Variants in DPH5 observed in about 807,000 individuals in gnomAD.
DPH5 encodes diphthamide biosynthesis 5, also known as diphthine methyl ester synthase.
Under a neutral mutation model 31.6 loss-of-function variants are expected in DPH5, and 31 were observed. The ratio of observed to expected loss-of-function variants is 0.98; its 90% CI spans 0.74 to 1.32. DPH5 has a LOEUF of 1.32. Ranked by LOEUF, DPH5 falls within the 40% of genes most tolerant of loss-of-function variation. The pLI is 0.00. For synonymous variants in DPH5, 120 were observed against 115.0 expected (o/e 1.04, Z -0.28); for missense variants, 309 against 335.7 (o/e 0.92, Z 0.62).
At chr1:100,997,123 C>CT (rs1189113630) in intron 5 of DPH5, among the ~76,000 whole-genome samples, 2 of 152,204 alleles carry the variant, frequency 1.3e-5, no homozygotes, top group Admixed American at 1.3e-4. Flanking sequence ...CTAGTTTGTC[C>CT]TTCCTGCCTC....
At chr1:101,006,565 T>C (rs1302078362) in intron 4 of DPH5, among the ~76,000 whole-genome samples, 1 of 152,102 alleles carries the variant, frequency 6.6e-6, no homozygotes, top group East Asian at 1.9e-4. Context: ...GATGATAAAA[T>C]CTAGCTTAAT....
Position 100,990,214 on chromosome 1 carries a change from C to G in DPH5, c.*194G>C. The G allele has an allele frequency of 1.7e-6, 1 of 581,696 alleles. No homozygotes were observed. Among genetic ancestry groups the G allele is most frequent in the South Asian group, 2.1e-5 (1 of 47,430 alleles). The allele number at this position is 581,696 out of a possible 1,614,324, so 36.0% of individuals were successfully genotyped here. Reference sequence around the variant, plus strand: ...GGGGAAATGCCAGGCACTTATAAAACCATCAGATCTCATGAAAGCTCACTA... The same window carrying G: ...GGGGAAATGCCAGGCACTTATAAAAGCATCAGATCTCATGAAAGCTCACTA... On this transcript the variant is annotated 3_prime_UTR_variant, in exon 8 of 8. Coordinates refer to ENST00000370109, the MANE Select transcript of DPH5 (RefSeq NM_015958.3).
intron 3 of DPH5, among the ~76,000 whole-genome samples, chr1:101,019,224 C>A (rs1570705086): frequency 6.6e-6 from 1 of 152,286 alleles, no homozygotes; most frequent in Admixed American, 6.5e-5. Flanking sequence ...TATTTTTAGA[C>A]TCATTTACTT....
chr1:101,025,266 G>C (rs757408859), intron 2 of DPH5, 43 bp downstream of exon 2: 18 of 1,607,440 alleles, frequency 1.1e-5, no homozygotes, highest in Non-Finnish European at 1.4e-5. Context: ...TCAGATGTTA[G>C]ATAGCTTTCT....
chr1:101,005,341 T>C (rs1371338204), intron 4 of DPH5, among the ~76,000 whole-genome samples: 2 of 152,230 alleles, frequency 1.3e-5, no homozygotes, highest in Non-Finnish European at 2.9e-5. Flanking sequence ...CCAGCAAAAC[T>C]GTCAAAAACT....
chr1:101,021,855 CACACTCTT>C (rs1660480558), intron 2 of DPH5, 90 bp from the exon 3 acceptor site: 1 of 1,245,800 alleles, frequency 8.0e-7, no homozygotes, highest in Admixed American at 2.3e-5. Context: ...CACACACACA[CACACTCTT>C]TGTTTGGGAC....
intron 3 of DPH5, among the ~76,000 whole-genome samples, chr1:101,015,779 G>A (rs1660032383): frequency 6.6e-6 from 1 of 152,168 alleles, no homozygotes; most frequent in Non-Finnish European, 1.5e-5. Context: ...TGTTTCCACA[G>A]CTCATACATT....
In DPH5 at chr1:100,990,565, G is replaced by A. The variant is rs570910160; in HGVS notation, c.701C>T (p.Ala234Val). The change falls in exon 8 of 8, where the codon GCA becomes GTA. Residue 234 changes from alanine (A) to valine (V), a missense_variant. By Grantham distance (64) the Ala-to-Val change is moderately conservative. Transcript: ENST00000370109. The part of the protein sequence containing the change: ...RVGADDQKIA[A>V]GTLRQMCTVD... ...AGTGCACATTTGCCTTAAAGTGCCT[G>A]CTGCAATTTTCTGGTCGTCGGCTCC... 9.3e-5 allele frequency: 150 copies of A among 1,614,104 alleles called. No homozygotes were observed. The highest frequency in any genetic ancestry group is 4.9e-4 in the Middle Eastern group (3 of 6,062).
intron 4 of DPH5, chr1:101,011,589 A>C (rs558866159): frequency 6.6e-6 from 1 of 152,234 alleles, no homozygotes; most frequent in Non-Finnish European, 1.5e-5. Flanking sequence ...ATTACACTTT[A>C]CCTGTCTATC....
At chr1:101,019,446 CAT>C (rs1660302119) in intron 3 of DPH5, among the ~76,000 whole-genome samples, 1 of 151,906 alleles carries the variant, frequency 6.6e-6, no homozygotes, top group Admixed American at 6.6e-5. Flanking sequence ...CACATTTTGT[CAT>C]GTGTCATTTT....
chr1:100,992,563 G>T, intron 7 of DPH5, 74 bp downstream of exon 7: 1 of 1,038,442 alleles, frequency 9.6e-7, no homozygotes, highest in Non-Finnish European at 1.5e-6. Context: ...AGTGGTATGA[G>T]ATATTAAGTC....
chr1:101,023,414 G>A (rs981744252), intron 2 of DPH5: 2 of 152,170 alleles, frequency 1.3e-5, no homozygotes, highest in Non-Finnish European at 2.9e-5. Flanking sequence ...TTCTGTAACT[G>A]TTCTATAAAT....
intron 4 of DPH5, among the ~76,000 whole-genome samples, chr1:101,007,197 C>T (rs1659293145): frequency 6.6e-6 from 1 of 151,812 alleles, no homozygotes; most frequent in Non-Finnish European, 1.5e-5. Flanking sequence ...TGAAATGTGC[C>T]AAAATTGGTA....
At chr1:100,997,558 G>A (rs1006893305) in intron 5 of DPH5, among the ~76,000 whole-genome samples, 1 of 152,042 alleles carries the variant, frequency 6.6e-6, no homozygotes, top group Non-Finnish European at 1.5e-5. Context: ...GTAGAGATGG[G>A]GTTTCACCGT....
At chr1:101,010,382 T>C (rs1481447675) in intron 4 of DPH5, among the ~76,000 whole-genome samples, 3 of 152,220 alleles carry the variant, frequency 2.0e-5, no homozygotes, top group Non-Finnish European at 2.9e-5. Flanking sequence ...TCTGTGTGTA[T>C]GAAGGAGTGT....
intron 5 of DPH5, chr1:100,995,440 A>G (rs1301940619): frequency 4.0e-6 from 1 of 247,420 alleles, no homozygotes; most frequent in Non-Finnish European, 7.9e-6. Context: ...CACTACTAAC[A>G]GCTAATCACA....
At chr1:101,015,662 T>TA (rs1660025313) in intron 3 of DPH5, among the ~76,000 whole-genome samples, 1 of 152,216 alleles carries the variant, frequency 6.6e-6, no homozygotes, top group Admixed American at 6.5e-5. Context: ...CTCTAGCAAT[T>TA]AAAGTCCTAC....
chr1:101,016,826 T>C (rs1192177556), intron 3 of DPH5, among the ~76,000 whole-genome samples: 1 of 152,180 alleles, frequency 6.6e-6, no homozygotes, highest in Non-Finnish European at 1.5e-5. Context: ...CTTAAACACT[T>C]TGAGGCCATT....
intron 3 of DPH5, 58 bp downstream of exon 3, chr1:101,021,583 C>A: frequency 6.4e-7 from 1 of 1,552,490 alleles, no homozygotes; most frequent in Non-Finnish European, 8.7e-7. Flanking sequence ...TAGAATAATT[C>A]TTACTGATTA....
Sources: allele counts gnomAD v4.1 joint callset (sites outside exome capture counted in the v4.1 genomes callset), GRCh38; gene constraint gnomAD v4.1.1; transcripts MANE v1.5; gene names NCBI Gene and HGNC (gene_info 2026-07-23, HGNC 2026-07-21).